Variants in KCND2 observed in about 807,000 individuals in gnomAD.
KCND2 encodes the protein potassium voltage-gated channel subfamily D member 2.
KCND2 carries 16 observed loss-of-function variants against 54.4 expected under a neutral mutation model. That is an observed-to-expected ratio of 0.29 (90% CI 0.20 to 0.45). The LOEUF is 0.45. Among genes scored for constraint, KCND2 ranks in the 20% least tolerant of loss-of-function variants. KCND2 has a pLI of 1.00. For missense variants in KCND2, 486 were observed against 824.2 expected (o/e 0.59, Z 5.02); for synonymous variants, 317 against 310.7 (o/e 1.02, Z -0.21).
rs191072489 is a variant in KCND2, at chr7:120,329,166, G to A, written c.1115+53419G>A. 6.8e-5 allele frequency among the ~76,000 whole-genome samples: 10 copies of A among 148,008 alleles called. No homozygotes were observed. The East Asian group carries it at 2.0e-3, about 29-fold the overall frequency. ...GATGGAGTTTCACTCTTCTTGCCCA[G>A]GCTGGAGTGCAATGGCATAATCTTG... On this transcript the variant is annotated intron_variant, in intron 1 of 5. Transcript: ENST00000331113.
chr7:120,565,695 T>C (rs10258480), intron 1 of KCND2, among the ~76,000 whole-genome samples: 1 of 152,090 alleles, frequency 6.6e-6, no homozygotes, highest in Admixed American at 6.6e-5. Context: ...AGTGAAAAAG[T>C]GTCATGAGAC....
chr7:120,314,336 A>G (rs1799782805), intron 1 of KCND2, among the ~76,000 whole-genome samples: 1 of 151,978 alleles, frequency 6.6e-6, no homozygotes, highest in South Asian at 2.1e-4. Flanking sequence ...CCATCTCAAA[A>G]AAAAAAAAAA....
At chr7:120,697,201 G>A (rs1239842413) in intron 1 of KCND2, among the ~76,000 whole-genome samples, 1 of 151,962 alleles carries the variant, frequency 6.6e-6, no homozygotes, top group Admixed American at 6.6e-5. Flanking sequence ...ATTGCTATAG[G>A]GTAAAGAAAT....
At chr7:120,703,862 A>G (rs1792433576) in intron 1 of KCND2, among the ~76,000 whole-genome samples, 1 of 152,202 alleles carries the variant, frequency 6.6e-6, no homozygotes, top group African/African-American at 2.4e-5. Flanking sequence ...TCTTGTAGCA[A>G]CATAAAACCA....
At chr7:120,306,167 A>G (rs573129582) in intron 1 of KCND2, among the ~76,000 whole-genome samples, 1 of 152,158 alleles carries the variant, frequency 6.6e-6, no homozygotes, top group African/African-American at 2.4e-5. Flanking sequence ...CAGAAATCCT[A>G]TATTGCCTTG....
At chr7:120,635,548 C>T (rs1227423566) in intron 1 of KCND2, among the ~76,000 whole-genome samples, 2 of 152,280 alleles carry the variant, frequency 1.3e-5, no homozygotes, top group East Asian at 3.9e-4. Context: ...CAACAAAGAT[C>T]ATGTAATCAG....
intron 1 of KCND2, among the ~76,000 whole-genome samples, chr7:120,661,885 C>A (rs771666209): frequency 1.3e-5 from 2 of 152,156 alleles, no homozygotes; most frequent in Non-Finnish European, 2.9e-5. Flanking sequence ...TAGGATAACA[C>A]TGAGCTACAG....
intron 1 of KCND2, among the ~76,000 whole-genome samples, chr7:120,487,204 G>T (rs907861255): frequency 2.0e-5 from 3 of 151,630 alleles, no homozygotes; most frequent in Non-Finnish European, 2.9e-5. Flanking sequence ...GCTCTTACTA[G>T]AAAAAAATAA....
intron 1 of KCND2, among the ~76,000 whole-genome samples, chr7:120,563,585 C>T (rs1295887918): frequency 6.6e-6 from 1 of 152,148 alleles, no homozygotes; most frequent in Non-Finnish European, 1.5e-5. Flanking sequence ...GTCTTTTGAT[C>T]ATCAACAGAT....
chr7:120,292,551 G>T (rs913357244), intron 1 of KCND2, among the ~76,000 whole-genome samples: 1 of 151,762 alleles, frequency 6.6e-6, no homozygotes, highest in Non-Finnish European at 1.5e-5. Context: ...CCCATTTAAA[G>T]TTTCTCTTTC....
At chr7:120,363,267 G>A (rs1442034336) in intron 1 of KCND2, among the ~76,000 whole-genome samples, 1 of 152,010 alleles carries the variant, frequency 6.6e-6, no homozygotes, top group Admixed American at 6.6e-5. Context: ...CTGCACTTTG[G>A]CCCTTGAGCC....
intron 1 of KCND2, among the ~76,000 whole-genome samples, chr7:120,479,113 G>A (rs959386224): frequency 2.0e-5 from 3 of 152,222 alleles, no homozygotes; most frequent in Middle Eastern, 3.4e-3. Flanking sequence ...AAAATGCATG[G>A]TTGTAGTGTT....
intron 1 of KCND2, among the ~76,000 whole-genome samples, chr7:120,487,083 C>A (rs1802705654): frequency 6.6e-6 from 1 of 152,104 alleles, no homozygotes; most frequent in Admixed American, 6.6e-5. Context: ...ATGTGAAAAA[C>A]ACAGTGCAGG....
At chr7:120,470,496 T>C (rs1802438318) in intron 1 of KCND2, among the ~76,000 whole-genome samples, 1 of 152,158 alleles carries the variant, frequency 6.6e-6, no homozygotes, top group Non-Finnish European at 1.5e-5. Flanking sequence ...AGTGCCATTA[T>C]ATCATTTTTC....
intron 1 of KCND2, among the ~76,000 whole-genome samples, chr7:120,544,778 T>C (rs1371965357): frequency 6.6e-6 from 1 of 151,952 alleles, no homozygotes; most frequent in East Asian, 1.9e-4. Flanking sequence ...TGCTCATTTC[T>C]TAATTCTTCA....
intron 1 of KCND2, among the ~76,000 whole-genome samples, chr7:120,288,129 A>G (rs1208887659): frequency 6.6e-6 from 1 of 152,136 alleles, no homozygotes; most frequent in Non-Finnish European, 1.5e-5. Flanking sequence ...AACATTGTCA[A>G]GGATAGGTAG....
At chr7:120,697,801 A>G (rs1389515362) in intron 1 of KCND2, among the ~76,000 whole-genome samples, 2 of 152,200 alleles carry the variant, frequency 1.3e-5, no homozygotes, top group Non-Finnish European at 2.9e-5. Flanking sequence ...AAGATTGAAG[A>G]AATATTCTTA....
intron 1 of KCND2, among the ~76,000 whole-genome samples, chr7:120,675,754 C>T (rs954853284): frequency 1.3e-5 from 2 of 151,792 alleles, no homozygotes; most frequent in African/African-American, 2.4e-5. Context: ...TATTATTCCT[C>T]GATTATCTAA....
intron 1 of KCND2, among the ~76,000 whole-genome samples, chr7:120,312,200 C>T (rs1799744459): frequency 1.3e-5 from 2 of 151,932 alleles, no homozygotes; most frequent in Non-Finnish European, 2.9e-5. Flanking sequence ...AGCCACTGTG[C>T]CTGGCCCTTA....
Sources: gnomAD v4.1 joint callset for allele counts (sites outside exome capture counted in the v4.1 genomes callset) on GRCh38, gnomAD v4.1.1 for gene constraint, MANE v1.5 for transcripts, NCBI Gene and HGNC (gene_info 2026-07-23, HGNC 2026-07-21) for gene names.